The following GRB2 variants were observed in gnomAD, a reference collection of about 807,000 sequenced individuals.
The protein encoded by GRB2 is growth factor receptor bound protein 2, also known as growth factor receptor-bound protein 2.
A neutral mutation model predicts 27.4 loss-of-function variants in GRB2; 2 were observed. That is an observed-to-expected ratio of 0.07 (90% confidence interval 0.03 to 0.23). The LOEUF (loss-of-function observed/expected upper bound fraction) is 0.23, where lower values mean the gene tolerates loss of function less well. Ranked by LOEUF, GRB2 falls within the 10% of genes least tolerant of loss-of-function variation. The probability of loss-of-function intolerance (pLI) is 1.00; values close to 1 mark genes in which losing one functional copy is unlikely to be tolerated. For missense variants in GRB2, 102 were observed against 282.4 expected, an observed-to-expected ratio of 0.36 and a Z score of 4.58; for synonymous variants, 94 against 99.6, an observed-to-expected ratio of 0.94 and a Z score of 0.33.
chr17:75,370,700 G>C (rs768157364), intron 2 of GRB2, among the ~76,000 whole-genome samples: 10 of 152,206 alleles, frequency 6.6e-5, no homozygotes, highest in Non-Finnish European at 1.3e-4. Flanking sequence ...GAGGACTTCA[G>C]TCCTCTGCAA....
intron 5 of GRB2, 46 bp downstream of exon 5, chr17:75,321,613 C>A: frequency 6.4e-7 from 1 of 1,569,142 alleles, no homozygotes; most frequent in South Asian, 1.1e-5. Context: ...CACTGAGGAG[C>A]TATTCTTAAC....
At chr17:75,371,748 C>T (rs895963819) in intron 2 of GRB2, 5 of 151,382 alleles carry the variant, frequency 3.3e-5, no homozygotes, top group African/African-American at 9.7e-5. Flanking sequence ...ACCAGAAATA[C>T]GAGATAGCCC....
At chr17:75,333,670 G>C (rs2078556441) in intron 2 of GRB2, among the ~76,000 whole-genome samples, 1 of 152,148 alleles carries the variant, frequency 6.6e-6, no homozygotes, top group Non-Finnish European at 1.5e-5. Flanking sequence ...TGCTGCTTGT[G>C]AGGACAACCA....
chr17:75,397,899 T>C (rs2079038566), intron 1 of GRB2, among the ~76,000 whole-genome samples: 1 of 152,042 alleles, frequency 6.6e-6, no homozygotes, highest in South Asian at 2.1e-4. Flanking sequence ...TGGACTGCAG[T>C]GTCACGATCT....
At chr17:75,365,259 A>C (rs1263364543) in intron 2 of GRB2, among the ~76,000 whole-genome samples, 1 of 152,202 alleles carries the variant, frequency 6.6e-6, no homozygotes, top group Non-Finnish European at 1.5e-5. Flanking sequence ...CGAATGGCTC[A>C]TCTTACGCTA....
intron 2 of GRB2, among the ~76,000 whole-genome samples, chr17:75,350,499 T>A (rs1052259914): frequency 8.5e-5 from 13 of 152,120 alleles, no homozygotes; most frequent in East Asian, 7.7e-4. Context: ...TTATTTATTT[T>A]TATTTTTTTT....
intron 2 of GRB2, among the ~76,000 whole-genome samples, chr17:75,365,013 TAACACCCA>T (rs1336014720): frequency 6.6e-6 from 1 of 152,160 alleles, no homozygotes; most frequent in African/African-American, 2.4e-5. Context: ...GTTTTGAGCC[TAACACCCA>T]AACTTCTAAT....
At chr17:75,341,847 C>T (rs935632871) in intron 2 of GRB2, among the ~76,000 whole-genome samples, 2 of 152,110 alleles carry the variant, frequency 1.3e-5, no homozygotes, top group Admixed American at 1.3e-4. Context: ...TTAAGTGCTC[C>T]AAAGTTAACC....
chr17:75,338,983 A>T, intron 2 of GRB2: 1 of 1,226,768 alleles, frequency 8.2e-7, no homozygotes, highest in Non-Finnish European at 1.2e-6. Flanking sequence ...TGGGCAGACT[A>T]AGTCGATTTT....
At chr17:75,327,756 T>A (rs1406412303) in intron 3 of GRB2, among the ~76,000 whole-genome samples, 1 of 152,196 alleles carries the variant, frequency 6.6e-6, no homozygotes, top group African/African-American at 2.4e-5. Flanking sequence ...AAAGATGTGA[T>A]CTGCTAGGAA....
intron 1 of GRB2, among the ~76,000 whole-genome samples, chr17:75,400,686 T>C (rs1279157562): frequency 6.6e-6 from 1 of 151,346 alleles, no homozygotes; most frequent in Non-Finnish European, 1.5e-5. Flanking sequence ...TTAATGTTTG[T>C]ATTTTCAAAT....
Position 75,331,900 on chromosome 17 carries a change from C to A in GRB2, c.176+800G>T, listed in dbSNP as rs138268861. ...GGAGGATGTGCTGTGATCCAACAGG[C>A]CCCTCCCACTCAAGATGCGACAAGC... On this transcript the variant is annotated intron_variant, in intron 3 of 5. Coordinates refer to ENST00000316804, the MANE Select transcript of GRB2 (RefSeq NM_002086.5). Among the ~76,000 whole-genome samples the A allele has an allele frequency of 1.6e-4, 24 of 152,246 alleles. No homozygotes were observed. The East Asian group carries it at 4.6e-3, about 29-fold the overall frequency.
intron 1 of GRB2, among the ~76,000 whole-genome samples, chr17:75,398,372 G>A (rs2079042331): frequency 6.6e-6 from 1 of 151,894 alleles, no homozygotes; most frequent in East Asian, 1.9e-4. Context: ...GGGCTCAAGG[G>A]ATCCTCTCAC....
At chr17:75,332,430 T>C (rs902901106) in intron 3 of GRB2, among the ~76,000 whole-genome samples, 1 of 152,190 alleles carries the variant, frequency 6.6e-6, no homozygotes, top group African/African-American at 2.4e-5. Flanking sequence ...CTCTAAGACA[T>C]ATTTAACAGA....
chr17:75,384,951 A>G (rs1217672050), intron 2 of GRB2, among the ~76,000 whole-genome samples: 1 of 144,710 alleles, frequency 6.9e-6, no homozygotes, highest in African/African-American at 2.7e-5. Context: ...TAATCCCAGC[A>G]CTTTGGGAGG....
At chr17:75,358,012 C>T (rs1020750765) in intron 2 of GRB2, among the ~76,000 whole-genome samples, 4 of 152,178 alleles carry the variant, frequency 2.6e-5, no homozygotes, top group African/African-American at 7.2e-5. Flanking sequence ...GCAAGACAAT[C>T]GCTTGAACCC....
intron 3 of GRB2, among the ~76,000 whole-genome samples, chr17:75,328,272 C>T (rs1237130000): frequency 2.0e-5 from 3 of 151,134 alleles, no homozygotes; most frequent in Admixed American, 6.6e-5. Context: ...TGTAGTGAGC[C>T]GAGACTGTGC....
intron 2 of GRB2, among the ~76,000 whole-genome samples, chr17:75,370,550 A>C (rs931029631): frequency 7.2e-5 from 11 of 152,200 alleles, no homozygotes; most frequent in Admixed American, 7.2e-4. Context: ...CACAATTAAG[A>C]CTTCAAACAG....
At position 75,395,849 on chromosome 17, in the gene GRB2, TTTTTC is replaced by T. The variant is rs1334811991; in HGVS notation, c.-137-2089_-137-2085del. On this transcript the variant is annotated intron_variant, in intron 1 of 5. Coordinates refer to ENST00000316804, the MANE Select transcript of GRB2 (RefSeq NM_002086.5). The stretch of plus-strand genomic sequence containing the variant: ...CAATCATACTTTTTGTGTTTTTTTT[TTTTTC>T]TTTTTTGAGATAGAGTTCTCTAAGA... Among the ~76,000 whole-genome samples the T allele has an allele frequency of 2.0e-5, 3 of 152,086 alleles. No individual in the cohort carries two copies. In the East Asian group the frequency reaches 5.8e-4, roughly 29 times the overall value.
Sources: allele counts gnomAD v4.1 joint callset (sites outside exome capture counted in the v4.1 genomes callset), GRCh38; gene constraint gnomAD v4.1.1; transcripts MANE v1.5; gene names NCBI Gene and HGNC (gene_info 2026-07-23, HGNC 2026-07-21).